DYSF: variants seen among roughly 807,000 people sequenced by gnomAD.
DYSF encodes dystrophy-associated fer-1-like 1.
A neutral mutation model predicts 274.9 loss-of-function variants in DYSF; 212 were observed. The observed-to-expected ratio is 0.77, with a 90% CI of 0.69 to 0.86. The LOEUF is 0.86. DYSF is among the 40% of genes least tolerant of loss of function. The pLI, the probability that DYSF is intolerant of heterozygous loss-of-function variation, is 0.00. For synonymous variants in DYSF, 1,091 were observed against 1,078.7 expected (o/e 1.01, Z -0.22); for missense variants, 2,666 against 2,783.2 (o/e 0.96, Z 0.95).
chr2:71,460,244 G>C (rs1330625367), intron 1 of DYSF, among the ~76,000 whole-genome samples: 2 of 152,170 alleles, frequency 1.3e-5, no homozygotes, highest in African/African-American at 4.8e-5. Flanking sequence ...GGTCCATGAT[G>C]GCGCACGCCT....
chr2:71,633,447 G>A (rs901353016), intron 41 of DYSF, among the ~76,000 whole-genome samples: 1 of 152,130 alleles, frequency 6.6e-6, no homozygotes, highest in African/African-American at 2.4e-5. Context: ...TAGCAGTACT[G>A]GAGATCAAAC....
chr2:71,602,767 G>A lies in DYSF; in HGVS notation c.3928-9G>A. 6.2e-7 allele frequency: 1 copy of A among 1,613,006 alleles called. No individual in the cohort carries two copies. The highest frequency in any genetic ancestry group is 8.5e-7 in the Non-Finnish European group (1 of 1,179,780). ...CCTGGATGTGCCACATCCCATGGCT[G>A]TGGGCCAGGTGCAGGAGACATCAAG... On this transcript the variant is annotated splice_polypyrimidine_tract_variant and intron_variant, in intron 35 of 55. Coordinates refer to ENST00000410020, the MANE Select transcript of DYSF (RefSeq NM_001130987.2).
chr2:71,481,051 G>C, intron 2 of DYSF, 113 bp downstream of exon 2: 1 of 1,097,506 alleles, frequency 9.1e-7, no homozygotes, highest in African/African-American at 1.6e-5. Context: ...TTGAGGTGGG[G>C]AGGGGCTGGT....
intron 45 of DYSF, among the ~76,000 whole-genome samples, chr2:71,662,347 C>T (rs1204264940): frequency 6.6e-6 from 1 of 152,186 alleles, no homozygotes; most frequent in East Asian, 1.9e-4. Flanking sequence ...AACCCACTGC[C>T]CATTTGTATG....
chr2:71,626,366 T>C (rs1483171461), intron 41 of DYSF, among the ~76,000 whole-genome samples: 1 of 151,384 alleles, frequency 6.6e-6, no homozygotes, highest in Non-Finnish European at 1.5e-5. Context: ...TCCATCGAAG[T>C]GATCATATAA....
chr2:71,668,947 T>G, intron 49 of DYSF, 105 bp downstream of exon 49: 1 of 1,374,764 alleles, frequency 7.3e-7, no homozygotes, highest in East Asian at 2.5e-5. Flanking sequence ...GGCTTCAGGC[T>G]ATTTGGGCCA....
intron 41 of DYSF, among the ~76,000 whole-genome samples, chr2:71,625,058 C>T (rs142243507): frequency 1.3e-5 from 2 of 152,064 alleles, no homozygotes; most frequent in East Asian, 1.9e-4. Context: ...GGCTTCATAT[C>T]GTTTCATCTA....
At chr2:71,616,346 T>C (rs1400058118) in intron 40 of DYSF, among the ~76,000 whole-genome samples, 1 of 151,510 alleles carries the variant, frequency 6.6e-6, no homozygotes, top group Admixed American at 6.6e-5. Flanking sequence ...TTCTCCATGG[T>C]GATGAGGATT....
chr2:71,663,683 A>G (rs537843221), intron 45 of DYSF, among the ~76,000 whole-genome samples: 1 of 152,328 alleles, frequency 6.6e-6, no homozygotes, highest in East Asian at 1.9e-4. Context: ...GTTCTCAGAT[A>G]CAGCAAGAGC....
At chr2:71,668,031 A>C (rs544673125) in intron 48 of DYSF, among the ~76,000 whole-genome samples, 2 of 151,538 alleles carry the variant, frequency 1.3e-5, no homozygotes, top group East Asian at 3.9e-4. Flanking sequence ...CAGCCTTGGG[A>C]TGGTGACAGG....
intron 1 of DYSF, among the ~76,000 whole-genome samples, chr2:71,459,583 G>T (rs1457160775): frequency 6.6e-6 from 1 of 152,196 alleles, no homozygotes; most frequent in African/African-American, 2.4e-5. Context: ...TTTTTTTCAA[G>T]AGAAGCTGTA....
At chr2:71,617,588 GTGTGGTAGAGGTGGTGTGTGTGTA>G (rs2093915140) in intron 40 of DYSF, among the ~76,000 whole-genome samples, 1 of 151,684 alleles carries the variant, frequency 6.6e-6, no homozygotes, top group African/African-American at 2.4e-5. Context: ...GTGTGTGTGT[GTGTGGTAGAGGTGGTGTGTGTGTA>G]TGTGGGGTAG....
intron 26 of DYSF, among the ~76,000 whole-genome samples, chr2:71,568,892 A>G (rs1425342437): frequency 2.3e-5 from 3 of 129,788 alleles, no homozygotes; most frequent in Non-Finnish European, 4.8e-5. Context: ...TTTTTTTTTG[A>G]GACGGAGTCT....
At chr2:71,664,516 A>G in intron 46 of DYSF, 78 bp downstream of exon 46, 1 of 1,568,494 alleles carries the variant, frequency 6.4e-7, no homozygotes, top group East Asian at 2.3e-5. Flanking sequence ...ACCACCACTG[A>G]GCACTTACTG....
intron 3 of DYSF, among the ~76,000 whole-genome samples, chr2:71,487,812 T>C (rs2083482753): frequency 6.6e-6 from 1 of 152,192 alleles, no homozygotes; most frequent in Non-Finnish European, 1.5e-5. Flanking sequence ...CCTGGTCTGA[T>C]GCTGGCACTT....
At chr2:71,558,236 G>A (rs1438187670) in intron 22 of DYSF, among the ~76,000 whole-genome samples, 2 of 152,174 alleles carry the variant, frequency 1.3e-5, no homozygotes, top group Non-Finnish European at 2.9e-5. Flanking sequence ...GGGGGGCTAG[G>A]TGGGCATGGG....
At chr2:71,610,955 G>C (rs1000320488) in intron 36 of DYSF, 20 of 468,710 alleles carry the variant, frequency 4.3e-5, no homozygotes, top group African/African-American at 9.9e-5. Context: ...AGCAGCTCAG[G>C]GGGCATCAGA....
At chr2:71,575,320 C>T (rs908852847) in intron 30 of DYSF, among the ~76,000 whole-genome samples, 1 of 152,134 alleles carries the variant, frequency 6.6e-6, no homozygotes, top group Admixed American at 6.5e-5. Context: ...GGGCAAGGCC[C>T]AACAGTGGCA....
chr2:71,647,804 G>C (rs2094590629), intron 42 of DYSF, among the ~76,000 whole-genome samples: 1 of 152,210 alleles, frequency 6.6e-6, no homozygotes, highest in African/African-American at 2.4e-5. Context: ...TTACTTTTGT[G>C]TGTGTTTGAA....
Sources: gnomAD v4.1 joint callset for allele counts (sites outside exome capture counted in the v4.1 genomes callset) on GRCh38, gnomAD v4.1.1 for gene constraint, MANE v1.5 for transcripts, NCBI Gene and HGNC (gene_info 2026-07-23, HGNC 2026-07-21) for gene names.